The following MPDZ variants were observed in gnomAD, a reference collection of about 807,000 sequenced individuals.
MPDZ encodes the protein multiple PDZ domain crumbs cell polarity complex component, also known as multiple PDZ domain protein.
A neutral mutation model predicts 239.1 loss-of-function variants in MPDZ; 234 were observed. That is an observed-to-expected ratio of 0.98 (90% CI 0.88 to 1.09). MPDZ has a LOEUF of 1.09. MPDZ is among the 50% of genes least tolerant of loss of function. MPDZ has a pLI of 0.00. For missense variants in MPDZ, 3,175 were observed against 2,510.0 expected (o/e 1.26, Z -5.66); for synonymous variants, 1,048 against 881.3 (o/e 1.19, Z -3.35).
intron 5 of MPDZ, among the ~76,000 whole-genome samples, chr9:13,223,200 CA>C (rs1263667560): frequency 5.3e-5 from 8 of 151,780 alleles, no homozygotes; most frequent in African/African-American, 1.7e-4. Flanking sequence ...TACTGAGGGG[CA>C]ACTATATTAA....
intron 10 of MPDZ, among the ~76,000 whole-genome samples, chr9:13,209,414 G>C (rs535403860): frequency 6.6e-6 from 1 of 152,234 alleles, no homozygotes; most frequent in African/African-American, 2.4e-5. Flanking sequence ...ATCTACAAAT[G>C]AATCAAGTGA....
chr9:13,157,040 G>GT (rs58703490), intron 24 of MPDZ, among the ~76,000 whole-genome samples: 68,771 of 151,956 alleles, frequency 0.45, 18,122 homozygotes, highest in African/African-American at 0.74. Context: ...ATAAAATAGT[G>GT]TTTTTTATAT....
At chr9:13,124,759 C>A (rs1334844266) in intron 35 of MPDZ, among the ~76,000 whole-genome samples, 1 of 152,110 alleles carries the variant, frequency 6.6e-6, no homozygotes, top group Non-Finnish European at 1.5e-5. Context: ...ACTGATCCCA[C>A]CTATGAAATA....
In MPDZ at chr9:13,190,137, C is replaced by A. The variant is rs1230568385; in HGVS notation, c.2131G>T (p.Gly711Cys). Residue 711 changes from glycine to cysteine, a missense_variant, in exon 16 of 47, where the codon GGT becomes TGT. Physicochemically the swap from Gly to Cys is radical, Grantham distance 159. Coordinates refer to ENST00000319217, the MANE Select transcript of MPDZ (RefSeq NM_001378778.1). ...ACCTGATAATCTAAAATGCTAAAAC[C>A]AAGTCCTTTGCTCCCTTTCTCCAGC... ...IELEKGSKGL[G>C]FSILDYQDPI... 6.2e-7 allele frequency: 1 copy of A among 1,612,740 alleles called. No homozygotes were observed. Among genetic ancestry groups the A allele is most frequent in the South Asian group, 1.1e-5 (1 of 90,942 alleles).
intron 23 of MPDZ, among the ~76,000 whole-genome samples, chr9:13,158,792 A>AT (rs1407765931): frequency 6.6e-6 from 1 of 152,170 alleles, no homozygotes; most frequent in African/African-American, 2.4e-5. Context: ...CAGTCTACTG[A>AT]TTGACTGTAA....
Position 13,137,950 on chromosome 9 carries a change from A to C in MPDZ, c.4200+7T>G, listed in dbSNP as rs2132353328. 2 of 1,613,422 alleles carry C rather than the reference A, an allele frequency of 1.2e-6. No homozygotes were observed. Among genetic ancestry groups the C allele is most frequent in the Non-Finnish European group, 8.5e-7 (1 of 1,179,620 alleles). Reference sequence around the variant, plus strand: ...GAATAAATTCAAAATTTTCCACAAAAACTTACCTCTAGAAGCTCATCTGCA... The same window carrying C: ...GAATAAATTCAAAATTTTCCACAAACACTTACCTCTAGAAGCTCATCTGCA... On this transcript the variant is annotated splice_region_variant and intron_variant, in intron 29 of 46. Transcript: ENST00000319217.
At chr9:13,111,991 G>A in intron 43 of MPDZ, 33 bp downstream of exon 43, 1 of 1,607,646 alleles carries the variant, frequency 6.2e-7, no homozygotes, top group Non-Finnish European at 8.5e-7. Context: ...TGCACATTTT[G>A]CTAGGGCTTC....
At chr9:13,268,105 CTAAT>C (rs891720792) in intron 1 of MPDZ, among the ~76,000 whole-genome samples, 1 of 151,112 alleles carries the variant, frequency 6.6e-6, no homozygotes, top group African/African-American at 2.4e-5. Flanking sequence ...ATCAGAATGG[CTAAT>C]TAATCATGTT....
chr9:13,241,191 G>GT (rs2137333293), intron 3 of MPDZ, among the ~76,000 whole-genome samples: 1 of 152,206 alleles, frequency 6.6e-6, no homozygotes, highest in East Asian at 1.9e-4. Flanking sequence ...AAACTTTACG[G>GT]TAAATGTAAA....
rs1479112051 is a variant in MPDZ at position 13,123,256 on chromosome 9, G to A, written c.4850C>T (p.Pro1617Leu). ...SSTPAIFASD[P>L]ATCPIIPGCE... The stretch of plus-strand genomic sequence containing the variant: ...GCCAGGGATAATGGGGCAGGTTGCA[G>A]GATCAGAAGCAAAAATTGCTGGTGT... The change falls in exon 36 of 47, where the codon CCT becomes CTT. Residue 1617 changes from proline (P) to leucine (L), a missense_variant. Transcript: ENST00000319217. 1 of 1,613,118 alleles carries A rather than the reference G, an allele frequency of 6.2e-7. No individual in the cohort carries two copies.
chr9:13,210,645 C>A (rs1227016610), intron 10 of MPDZ, among the ~76,000 whole-genome samples: 2 of 152,030 alleles, frequency 1.3e-5, no homozygotes, highest in Non-Finnish European at 2.9e-5. Flanking sequence ...TTTGTCTGGG[C>A]ATAGACCACA....
chr9:13,181,453 A>C (rs1953314647), intron 19 of MPDZ, among the ~76,000 whole-genome samples: 1 of 152,192 alleles, frequency 6.6e-6, no homozygotes, highest in African/African-American at 2.4e-5. Flanking sequence ...CCAAAAATAT[A>C]AAATGTTGCA....
intron 3 of MPDZ, among the ~76,000 whole-genome samples, chr9:13,240,350 T>C (rs572199773): frequency 1.8e-4 from 27 of 151,944 alleles, no homozygotes; most frequent in African/African-American, 6.3e-4. Flanking sequence ...TCTAGCAAAA[T>C]TGTTAATATA....
intron 32 of MPDZ, among the ~76,000 whole-genome samples, chr9:13,128,874 G>A (rs1413034674): frequency 6.6e-6 from 1 of 152,116 alleles, no homozygotes; most frequent in African/African-American, 2.4e-5. Flanking sequence ...CAAGCCTTGG[G>A]ATAAAGCTGA....
rs184213204 is a variant in MPDZ at position 13,150,539 on chromosome 9, G to C, written c.3602C>G (p.Thr1201Ser). ...TACGATTCTATCTCCAGGTTTCAAG[G>C]TTCCATTTTTGCCAGCTGGACTATC... Reference protein sequence around the residue: ...LEDSPAGKNGTLKPGDRIVEV... With the variant: ...LEDSPAGKNGSLKPGDRIVEV... The change falls in exon 25 of 47, where the codon ACC becomes AGC. Residue 1201 changes from threonine (T) to serine (S), a missense_variant. Transcript: ENST00000319217. 1.0e-4 allele frequency: 163 copies of C among 1,575,794 alleles called. No individual in the cohort carries two copies. The African/African-American group carries it at 2.0e-3, about 19-fold the overall frequency.
At chr9:13,220,528 T>C (rs563102192) in intron 7 of MPDZ, among the ~76,000 whole-genome samples, 3 of 152,124 alleles carry the variant, frequency 2.0e-5, no homozygotes, top group South Asian at 2.1e-4. Flanking sequence ...ATAAAGCATG[T>C]AAATATCACA....
At chr9:13,119,405 A>T (rs999655719) in intron 39 of MPDZ, 97 bp downstream of exon 39, 2 of 1,411,974 alleles carry the variant, frequency 1.4e-6, no homozygotes, top group African/African-American at 2.9e-5. Context: ...ACTTTAAATA[A>T]AGAGAAGTCA....
chr9:13,132,974 T>C (rs1946231820), intron 32 of MPDZ, among the ~76,000 whole-genome samples: 1 of 152,164 alleles, frequency 6.6e-6, no homozygotes, highest in Non-Finnish European at 1.5e-5. Flanking sequence ...GATGATACAT[T>C]AAAATCAATA....
At chr9:13,203,838 G>T (rs1956684263) in intron 12 of MPDZ, among the ~76,000 whole-genome samples, 1 of 151,532 alleles carries the variant, frequency 6.6e-6, no homozygotes, top group Non-Finnish European at 1.5e-5. Flanking sequence ...AAAATAGATG[G>T]TTCTGCGCCT....
Sources: gnomAD v4.1 joint callset for allele counts (sites outside exome capture counted in the v4.1 genomes callset) on GRCh38, gnomAD v4.1.1 for gene constraint, MANE v1.5 for transcripts, NCBI Gene and HGNC (gene_info 2026-07-23, HGNC 2026-07-21) for gene names.